The following CLIC5 variants were observed in gnomAD, a reference collection of about 807,000 sequenced individuals.
CLIC5 encodes the protein CLIC family member 5.
CLIC5 carries 20 observed loss-of-function variants against 24.7 expected under a neutral mutation model. The ratio of observed to expected loss-of-function variants is 0.81; its 90% CI spans 0.57 to 1.18. The LOEUF (loss-of-function observed/expected upper bound fraction) is 1.18. Among genes scored for constraint, CLIC5 ranks in the 50% most tolerant of loss-of-function variants. The pLI is 0.00. For missense variants in CLIC5, 341 were observed against 326.1 expected, an observed-to-expected ratio of 1.05 and a Z score of -0.35; for synonymous variants, 159 against 135.6, an observed-to-expected ratio of 1.17 and a Z score of -1.20.
intron 1 of CLIC5, among the ~76,000 whole-genome samples, chr6:45,964,955 C>T (rs1764970214): frequency 6.6e-6 from 1 of 152,170 alleles, no homozygotes; most frequent in African/African-American, 2.4e-5. Flanking sequence ...TATACATTTA[C>T]AGCTACTGTC....
At chr6:45,896,089 A>G (rs9463147), downstream of CLIC5, among the ~76,000 whole-genome samples, 51,500 of 152,114 alleles carry the variant, frequency 0.34, 9,002 homozygotes, top group East Asian at 0.46. Context: ...CCTCAGGGTC[A>G]TGTTTATTGC....
At chr6:45,939,217 CT>C (rs34976541) in intron 4 of CLIC5, among the ~76,000 whole-genome samples, 5,339 of 115,718 alleles carry the variant, frequency 0.046, 124 homozygotes, top group East Asian at 0.25. Context: ...CTCCTCTCCT[CT>C]TTTTTTTTTT....
In CLIC5 at chr6:45,925,316, G is replaced by A. The variant is rs1046704350; in HGVS notation, c.407-10907C>T. ...CAACATGCCAACATGTCATTATTCC[G>A]CTTTTTTTTTTTTTTTTTGAGATAG... is the stretch of plus-strand genomic sequence containing the variant. On this transcript the variant is annotated intron_variant, in intron 4 of 5. Transcript: ENST00000339561. Among the ~76,000 whole-genome samples, 11 of 139,328 alleles carry A rather than the reference G, an allele frequency of 7.9e-5. No individual in the cohort carries two copies. In the South Asian group the frequency reaches 1.1e-3, roughly 14 times the overall value. The allele number at this position is 139,328 out of a possible 152,430, so 91.4% of individuals were successfully genotyped here.
intron 2 of CLIC5, among the ~76,000 whole-genome samples, chr6:45,951,726 T>C (rs988909808): frequency 6.6e-6 from 1 of 152,108 alleles, no homozygotes; most frequent in African/African-American, 2.4e-5. Flanking sequence ...AATGCCACAT[T>C]TCTTGTGGGA....
rs150974317 is a variant in CLIC5, at chr6:46,033,904, A to T, written c.540+45799T>A. Among the ~76,000 whole-genome samples the T allele has an allele frequency of 3.2e-3, 488 of 152,360 alleles. 1 individual carries two copies. Among genetic ancestry groups the T allele is most frequent in the Admixed American group, 5.2e-3 (80 of 15,308 alleles). ...CTGGTTTTAAGAGTAAGCAGAGTAG[A>T]TGGCCAAAAAATGCTATGTTAATAC... On this transcript the variant is annotated intron_variant, in intron 1 of 5. Coordinates refer to the CLIC5 transcript ENST00000185206.
chr6:46,109,172 C>A, the CLIC5 span, among the ~76,000 whole-genome samples: 2 of 152,170 alleles, frequency 1.3e-5, no homozygotes, highest in African/African-American at 4.8e-5. Context: ...TATTTTGTCA[C>A]CCATAGACAA....
At chr6:45,996,514 G>T (rs1766145804) in intron 1 of CLIC5, among the ~76,000 whole-genome samples, 3 of 152,096 alleles carry the variant, frequency 2.0e-5, no homozygotes, top group Admixed American at 2.0e-4. Context: ...ATCTTGAATT[G>T]ATTTTTGTAT....
chr6:46,079,693 C>A (rs1466054271), intron 1 of CLIC5: 2 of 1,547,580 alleles, frequency 1.3e-6, no homozygotes, highest in Non-Finnish European at 1.7e-6. Context: ...CTGTCAGAGG[C>A]AGACCTTACC....
At chr6:46,117,951 G>C in the CLIC5 span, among the ~76,000 whole-genome samples, 1 of 152,174 alleles carries the variant, frequency 6.6e-6, no homozygotes, top group Non-Finnish European at 1.5e-5. Context: ...TGAAACACAA[G>C]ACAGTGACAA....
At chr6:45,972,619 A>G (rs905772313) in intron 1 of CLIC5, among the ~76,000 whole-genome samples, 1 of 152,166 alleles carries the variant, frequency 6.6e-6, no homozygotes, top group Non-Finnish European at 1.5e-5. Context: ...ATCCTTTAGG[A>G]GCTCATTAGA....
chr6:45,992,102 C>G (rs1427014670), intron 1 of CLIC5, among the ~76,000 whole-genome samples: 1 of 152,150 alleles, frequency 6.6e-6, no homozygotes, highest in Admixed American at 6.5e-5. Flanking sequence ...GTGAGGCAAG[C>G]CCCTTCCCCA....
intron 1 of CLIC5, among the ~76,000 whole-genome samples, chr6:45,972,699 G>A (rs1765240772): frequency 6.6e-6 from 1 of 152,170 alleles, no homozygotes; most frequent in Non-Finnish European, 1.5e-5. Context: ...ACCTCTAAGT[G>A]ATTTATGCCT....
At chr6:45,959,812 C>T (rs986436172) in intron 1 of CLIC5, among the ~76,000 whole-genome samples, 3 of 152,240 alleles carry the variant, frequency 2.0e-5, no homozygotes, top group African/African-American at 7.2e-5. Context: ...AGCTTATGTG[C>T]ATTTCCCATT....
At chr6:46,104,029 T>C in the CLIC5 span, among the ~76,000 whole-genome samples, 1 of 152,162 alleles carries the variant, frequency 6.6e-6, no homozygotes, top group Non-Finnish European at 1.5e-5. Context: ...CTTGGTGTAG[T>C]CAAGTACAAC....
At chr6:46,005,982 A>ATATATATATATATATATT (rs1243297161) in intron 1 of CLIC5, among the ~76,000 whole-genome samples, 11 of 117,642 alleles carry the variant, frequency 9.4e-5, no homozygotes, top group Non-Finnish European at 1.5e-4. Flanking sequence ...CTATGTGTGT[A>ATATATATATATATATATT]TATATATATA....
chr6:45,931,073 T>A (rs938118988), intron 4 of CLIC5, among the ~76,000 whole-genome samples: 5 of 152,226 alleles, frequency 3.3e-5, no homozygotes, highest in Admixed American at 2.0e-4. Context: ...TTTCATGAAG[T>A]GAGAATGATG....
chr6:46,096,700 T>C, the CLIC5 span, among the ~76,000 whole-genome samples: 1 of 152,200 alleles, frequency 6.6e-6, no homozygotes, highest in African/African-American at 2.4e-5. Flanking sequence ...GAGTCTTTCT[T>C]GATTAATGTT....
intron 1 of CLIC5, among the ~76,000 whole-genome samples, chr6:46,063,624 T>C (rs971441751): frequency 6.6e-6 from 1 of 152,184 alleles, no homozygotes; most frequent in African/African-American, 2.4e-5. Flanking sequence ...CTGATCTGCA[T>C]GTGCATGGGA....
chr6:46,120,222 T>G, the CLIC5 span, among the ~76,000 whole-genome samples: 7 of 152,184 alleles, frequency 4.6e-5, no homozygotes, highest in Non-Finnish European at 7.3e-5. Context: ...CGGGTACTCC[T>G]CTGAGATGAA....
Sources: allele counts gnomAD v4.1 joint callset (sites outside exome capture counted in the v4.1 genomes callset), GRCh38; gene constraint gnomAD v4.1.1; transcripts MANE v1.5; gene names NCBI Gene and HGNC (gene_info 2026-07-23, HGNC 2026-07-21).